Variants in LINC00632 observed in about 807,000 individuals in gnomAD.
LINC00632 encodes ALDOA related specific transcript.
chrX:140,746,360 A>G (rs1232965435), intron 3 of LINC00632, among the ~76,000 whole-genome samples: 2 of 112,235 alleles, frequency 1.8e-5, no homozygotes, highest in African/African-American at 6.5e-5. Flanking sequence ...GTATCCTTTG[A>G]TCAACATCTC....
exon 5 of LINC00632, among the ~76,000 whole-genome samples, chrX:140,786,540 T>C (rs927007916): frequency 9.0e-6 from 1 of 111,558 alleles, no homozygotes; most frequent in African/African-American, 3.2e-5. Flanking sequence ...GTGCTAACAA[T>C]AGCCATGGGA....
At chrX:140,768,579 ATATTATATATT>A (rs1438853477) in intron 3 of LINC00632, among the ~76,000 whole-genome samples, 2 of 98,404 alleles carry the variant, frequency 2.0e-5, no homozygotes, top group Non-Finnish European at 4.0e-5. Context: ...TATATATACT[ATATTATATATT>A]TATTATATAT....
chrX:140,744,595 A>G (rs1396134432), intron 3 of LINC00632, among the ~76,000 whole-genome samples: 4 of 87,019 alleles, frequency 4.6e-5, no homozygotes, highest in Admixed American at 1.3e-4. Context: ...GAGGAGATGG[A>G]GTCTTGCTTT....
chrX:140,740,032 C>G (rs58700277), intron 3 of LINC00632, among the ~76,000 whole-genome samples: 1 of 111,538 alleles, frequency 9.0e-6, no homozygotes, highest in African/African-American at 3.3e-5. Context: ...TATACATCTC[C>G]TCATAATTGG....
chrX:140,783,788 C>T (rs754000709), exon 5 of LINC00632: 12 of 1,209,601 alleles, frequency 9.9e-6, no homozygotes, highest in South Asian at 1.8e-5. Context: ...TGAAGATCCA[C>T]GTCTTCCAGA....
intron 2 of LINC00632, among the ~76,000 whole-genome samples, chrX:140,731,787 G>A (rs758453650): frequency 2.7e-5 from 3 of 111,574 alleles, no homozygotes; most frequent in Non-Finnish European, 3.8e-5. Context: ...GCCTGGACTC[G>A]TGCAGAGATA....
chrX:140,758,700 G>A (rs924140931), intron 3 of LINC00632, among the ~76,000 whole-genome samples: 33 of 111,436 alleles, frequency 3.0e-4, no homozygotes, highest in African/African-American at 1.1e-3. Flanking sequence ...TTCCTTATAG[G>A]TTTTTATCCC....
At chrX:140,711,650 T>C in exon 2 of LINC00632, 1 of 315,409 alleles carries the variant, frequency 3.2e-6, no homozygotes, top group Non-Finnish European at 6.3e-6. Context: ...AATTCCTGGA[T>C]CAAATGGTAT....
chrX:140,774,631 G>A (rs1016064570), exon 5 of LINC00632, among the ~76,000 whole-genome samples: 2 of 111,675 alleles, frequency 1.8e-5, no homozygotes, highest in African/African-American at 6.5e-5. Context: ...CTATTGTTAC[G>A]ACCAAGCATT....
At chrX:140,753,476 G>A (rs961236504) in intron 3 of LINC00632, among the ~76,000 whole-genome samples, 16 of 111,323 alleles carry the variant, frequency 1.4e-4, no homozygotes, top group African/African-American at 5.2e-4. Flanking sequence ...ATAATCTCAT[G>A]GTGGAAGAGT....
At position 140,771,748 on chromosome X, in the gene LINC00632, C is replaced by T. The variant is rs764961856; in HGVS notation, n.192-330C>T. Among the ~76,000 whole-genome samples the T allele has an allele frequency of 1.1e-4, 11 of 98,713 alleles. No homozygotes were observed. In the South Asian group the frequency reaches 2.1e-3, roughly 18 times the overall value. 85.7% of individuals were successfully genotyped at this position (98,713 alleles called of 115,157 possible). On this transcript the variant is annotated intron_variant and non_coding_transcript_variant, in intron 3 of 4. Transcript: ENST00000648200. ...AGGCTGGAGTGCAGTGGTGTGATCTCGGCTCACTGCAACCTCTGCCCCCTG... is the reference window on the plus strand; with the variant it reads ...AGGCTGGAGTGCAGTGGTGTGATCTTGGCTCACTGCAACCTCTGCCCCCTG...
Position 140,770,516 on chromosome X carries a change from G to A in LINC00632, n.192-1562G>A, listed in dbSNP as rs914444731. ...CACGCCACTGCACTCCAGCCTGGGC[G>A]ACAGAGTGAGACTCCATCTCAAAAC... On this transcript the variant is annotated intron_variant and non_coding_transcript_variant, in intron 3 of 4. Transcript: ENST00000648200. Among the ~76,000 whole-genome samples, 3 of 111,949 alleles carry A rather than the reference G, an allele frequency of 2.7e-5. No individual in the cohort carries two copies. The Admixed American group carries it at 2.8e-4, about 11-fold the overall frequency.
intron 3 of LINC00632, among the ~76,000 whole-genome samples, chrX:140,767,317 T>C (rs1301316015): frequency 9.0e-6 from 1 of 111,668 alleles, no homozygotes; most frequent in East Asian, 2.8e-4. Flanking sequence ...AGTTAATATA[T>C]GTAAAGCAGC....
chrX:140,770,439 G>A (rs994920843), intron 3 of LINC00632, among the ~76,000 whole-genome samples: 3 of 111,916 alleles, frequency 2.7e-5, no homozygotes, highest in South Asian at 3.7e-4. Context: ...GGTGGCTCAC[G>A]CCTATAATCA....
intron 3 of LINC00632, among the ~76,000 whole-genome samples, chrX:140,739,552 A>G: frequency 9.0e-6 from 1 of 111,692 alleles, no homozygotes; most frequent in Admixed American, 9.6e-5. Context: ...AATTATTTTT[A>G]TGTAACATTA....
intron 1 of LINC00632, chrX:140,709,892 G>T: frequency 3.3e-6 from 1 of 305,549 alleles, no homozygotes; most frequent in Non-Finnish European, 6.7e-6. Context: ...ATAGAATAAT[G>T]CAAAATTGTG....
At chrX:140,744,521 G>A (rs1931290801) in intron 3 of LINC00632, among the ~76,000 whole-genome samples, 1 of 91,893 alleles carries the variant, frequency 1.1e-5, no homozygotes, top group Non-Finnish European at 2.1e-5. Flanking sequence ...GTGCCTATAG[G>A]TAAATTAGGT....
chrX:140,786,357 T>C (rs974846298), exon 5 of LINC00632, among the ~76,000 whole-genome samples: 3 of 111,689 alleles, frequency 2.7e-5, no homozygotes, highest in Non-Finnish European at 5.7e-5. Context: ...ATTTATCAAT[T>C]GTTAAGGCCA....
intron 2 of LINC00632, among the ~76,000 whole-genome samples, chrX:140,723,609 C>G (rs796407707): frequency 3.2e-4 from 5 of 15,655 alleles, no homozygotes; most frequent in Non-Finnish European, 4.3e-4. Flanking sequence ...ACACACATTC[C>G]ATAAACACAC....
Sources: allele counts gnomAD v4.1 joint callset (sites outside exome capture counted in the v4.1 genomes callset), GRCh38; gene constraint gnomAD v4.1.1; transcripts MANE v1.5; gene names NCBI Gene and HGNC (gene_info 2026-07-23, HGNC 2026-07-21).